The following SIPA1L2 variants were observed in gnomAD, a reference collection of about 807,000 sequenced individuals.
SIPA1L2 encodes signal-induced proliferation-associated 1-like protein 2.
SIPA1L2 carries 56 observed loss-of-function variants against 163.9 expected under a neutral mutation model. The observed-to-expected ratio is 0.34, with a 90% CI of 0.28 to 0.43. The LOEUF (loss-of-function observed/expected upper bound fraction) is 0.43. Ranked by LOEUF, SIPA1L2 falls within the 20% of genes least tolerant of loss-of-function variation. The pLI, the probability that SIPA1L2 is intolerant of heterozygous loss-of-function variation, is 1.00. For missense variants in SIPA1L2, 1,974 were observed against 2,193.5 expected (o/e 0.90, Z 2.00); for synonymous variants, 877 against 865.7 (o/e 1.01, Z -0.23).
At chr1:232,428,828 C>T (rs1008454642) in intron 16 of SIPA1L2, among the ~76,000 whole-genome samples, 1 of 152,108 alleles carries the variant, frequency 6.6e-6, no homozygotes, top group African/African-American at 2.4e-5. Context: ...ATTACACAGC[C>T]AACTTTTAAA....
chr1:232,515,998 C>T (rs1667203444), intron 2 of SIPA1L2, among the ~76,000 whole-genome samples: 1 of 152,210 alleles, frequency 6.6e-6, no homozygotes, highest in Admixed American at 6.5e-5. Flanking sequence ...CAGCTGTGTA[C>T]CAGCATTAAC....
intron 2 of SIPA1L2, among the ~76,000 whole-genome samples, chr1:232,546,916 G>A (rs1658064075): frequency 1.3e-5 from 2 of 152,204 alleles, no homozygotes. Context: ...AGGTCTGCCA[G>A]GTGGAGAGAA....
chr1:232,527,115 C>T (rs1219189227), intron 2 of SIPA1L2, among the ~76,000 whole-genome samples: 2 of 152,194 alleles, frequency 1.3e-5, no homozygotes, highest in Non-Finnish European at 2.9e-5. Flanking sequence ...TCCACTGTGT[C>T]AAGTCTAAAT....
intron 8 of SIPA1L2, among the ~76,000 whole-genome samples, chr1:232,470,497 A>G (rs999518953): frequency 2.0e-5 from 3 of 152,208 alleles, no homozygotes; most frequent in African/African-American, 7.2e-5. Context: ...GCCTTTAGGA[A>G]GCAAGCTCTG....
chr1:232,490,830 G>C (rs1411455077), intron 5 of SIPA1L2, 44 bp downstream of exon 5: 1 of 1,537,200 alleles, frequency 6.5e-7, no homozygotes, highest in African/African-American at 1.4e-5. Flanking sequence ...TTCAGAAACA[G>C]ACACAAATTC....
intron 11 of SIPA1L2, among the ~76,000 whole-genome samples, chr1:232,445,041 C>G (rs1663129777): frequency 6.6e-6 from 1 of 152,150 alleles, no homozygotes; most frequent in African/African-American, 2.4e-5. Context: ...ATGCATTCTT[C>G]TTTGAAAAAA....
At chr1:232,603,821 T>C (rs1661742610) in intron 1 of SIPA1L2, among the ~76,000 whole-genome samples, 1 of 152,050 alleles carries the variant, frequency 6.6e-6, no homozygotes, top group Admixed American at 6.5e-5. Context: ...CCCCAAGTCT[T>C]TACTGAGACC....
At chr1:232,402,147 T>G (rs972130637) in intron 22 of SIPA1L2, among the ~76,000 whole-genome samples, 2 of 152,176 alleles carry the variant, frequency 1.3e-5, no homozygotes, top group Admixed American at 1.3e-4. Context: ...CACTGAAGAT[T>G]TGCCACACCA....
chr1:232,425,564 A>G (rs369607468), intron 18 of SIPA1L2, 25 bp downstream of exon 18: 50 of 1,530,160 alleles, frequency 3.3e-5, no homozygotes, highest in Non-Finnish European at 4.1e-5. Context: ...GGCGCTGGCC[A>G]GGGAGCAGCC....
intron 2 of SIPA1L2, among the ~76,000 whole-genome samples, chr1:232,569,482 G>A (rs554633821): frequency 1.3e-5 from 2 of 152,126 alleles, no homozygotes; most frequent in Non-Finnish European, 2.9e-5. Flanking sequence ...CAGAAACTTG[G>A]GCGGGACAAT....
At chr1:232,409,617 C>T (rs1193753198) in intron 19 of SIPA1L2, among the ~76,000 whole-genome samples, 1 of 152,184 alleles carries the variant, frequency 6.6e-6, no homozygotes, top group Non-Finnish European at 1.5e-5. Context: ...TCTTCTAATT[C>T]CTTAAGCCCC....
chr1:232,620,078 T>C (rs1316876106), intron 1 of SIPA1L2, among the ~76,000 whole-genome samples: 2 of 152,034 alleles, frequency 1.3e-5, no homozygotes, highest in African/African-American at 4.8e-5. Flanking sequence ...AGAGACGGGG[T>C]TTCACCATGT....
chr1:232,418,972 T>TG (rs1482580795), intron 18 of SIPA1L2, among the ~76,000 whole-genome samples: 8 of 152,220 alleles, frequency 5.3e-5, no homozygotes, highest in African/African-American at 1.2e-4. Flanking sequence ...GACAAGGCCC[T>TG]GCTCTCATGA....
chr1:232,560,800 G>A (rs1573083824), intron 2 of SIPA1L2, among the ~76,000 whole-genome samples: 2 of 152,024 alleles, frequency 1.3e-5, no homozygotes, highest in Non-Finnish European at 2.9e-5. Flanking sequence ...TATCACTGCT[G>A]GAAAAACGCC....
intron 7 of SIPA1L2, 67 bp from the exon 8 acceptor site, chr1:232,471,595 C>T (rs1326059866): frequency 7.7e-7 from 1 of 1,292,256 alleles, no homozygotes; most frequent in Admixed American, 2.7e-5. Context: ...ATATAATTCA[C>T]TCATCTTTCA....
rs1660396124 is a variant in SIPA1L2 at position 232,402,385 on chromosome 1, T to C, written c.5022+7A>G. On this transcript the variant is annotated splice_region_variant and intron_variant, in intron 22 of 22. Transcript: ENST00000674635. ...ACAGTTCTGATTATGCTCTTCCAAT[T>C]GATTACCTTCCGAAGGTCGGTCTGG... is the stretch of plus-strand genomic sequence containing the variant. 2.6e-5 allele frequency: 42 copies of C among 1,611,888 alleles called. No individual in the cohort carries two copies. The highest frequency in any genetic ancestry group is 3.6e-5 in the Non-Finnish European group (42 of 1,178,558).
intron 10 of SIPA1L2, among the ~76,000 whole-genome samples, chr1:232,448,670 GAAGGAA>G (rs970443584): frequency 6.6e-5 from 10 of 152,216 alleles, no homozygotes; most frequent in African/African-American, 1.9e-4. Flanking sequence ...AAATCAGTAG[GAAGGAA>G]GACCACTGTC....
chr1:232,427,231 A>T (rs1661955371), intron 17 of SIPA1L2, among the ~76,000 whole-genome samples: 1 of 152,228 alleles, frequency 6.6e-6, no homozygotes, highest in Admixed American at 6.5e-5. Flanking sequence ...TTTTTAAAAA[A>T]GACTCATTAT....
intron 2 of SIPA1L2, among the ~76,000 whole-genome samples, chr1:232,525,171 T>A (rs925708304): frequency 1.3e-5 from 2 of 150,844 alleles, no homozygotes; most frequent in African/African-American, 4.9e-5. Flanking sequence ...TTATGGCAGG[T>A]ATTTACAAAA....
Sources: gnomAD v4.1 joint callset for allele counts (sites outside exome capture counted in the v4.1 genomes callset) on GRCh38, gnomAD v4.1.1 for gene constraint, MANE v1.5 for transcripts, NCBI Gene and HGNC (gene_info 2026-07-23, HGNC 2026-07-21) for gene names.